The following TUT1 variants were observed in gnomAD, a reference collection of about 807,000 sequenced individuals.
TUT1 encodes the protein speckle targeted PIP5K1A-regulated poly(A) polymerase.
In TUT1, 26 loss-of-function variants were observed where a neutral mutation model predicts 48.8. The ratio of observed to expected loss-of-function variants is 0.53; its 90% CI spans 0.39 to 0.74. The LOEUF is 0.74. Ranked by LOEUF, TUT1 falls within the 30% of genes least tolerant of loss-of-function variation. The probability of loss-of-function intolerance (pLI) is 0.00; values close to 1 mark genes in which losing one functional copy is unlikely to be tolerated. For synonymous variants in TUT1, 470 were observed against 460.8 expected, an observed-to-expected ratio of 1.02 and a Z score of -0.26; for missense variants, 1,065 against 1,114.8, an observed-to-expected ratio of 0.96 and a Z score of 0.64.
chr11:62,586,324 AGGTT>A (rs1941914156), intron 2 of TUT1, among the ~76,000 whole-genome samples: 1 of 152,238 alleles, frequency 6.6e-6, no homozygotes, highest in Non-Finnish European at 1.5e-5. Flanking sequence ...AAACTCAAAG[AGGTT>A]AAGTAACTTG....
chr11:62,586,598 G>A (rs1941919528), intron 2 of TUT1, among the ~76,000 whole-genome samples: 1 of 152,102 alleles, frequency 6.6e-6, no homozygotes, highest in Non-Finnish European at 1.5e-5. Flanking sequence ...GGCCAACATG[G>A]AGAAATCCTG....
At chr11:62,580,081 C>T (rs1024656029) in intron 4 of TUT1, among the ~76,000 whole-genome samples, 1 of 152,016 alleles carries the variant, frequency 6.6e-6, no homozygotes, top group African/African-American at 2.4e-5. Flanking sequence ...TCGAGACCAG[C>T]CTGGGAAACA....
At chr11:62,580,323 G>A (rs1399126406) in intron 4 of TUT1, among the ~76,000 whole-genome samples, 1 of 151,832 alleles carries the variant, frequency 6.6e-6, no homozygotes, top group African/African-American at 2.4e-5. Flanking sequence ...AGCCAGGCAT[G>A]GTGGCGTGTG....
At chr11:62,577,985 T>C (rs888555038) in intron 5 of TUT1, among the ~76,000 whole-genome samples, 6 of 144,880 alleles carry the variant, frequency 4.1e-5, no homozygotes, top group African/African-American at 1.6e-4. Flanking sequence ...CGCTTGAACC[T>C]GGGAGGCAGA....
chr11:62,582,253 G>T (rs1184568270), intron 2 of TUT1, among the ~76,000 whole-genome samples: 3 of 151,980 alleles, frequency 2.0e-5, no homozygotes, highest in African/African-American at 7.3e-5. Flanking sequence ...GATTACAGGT[G>T]TGAGCCACTG....
At chr11:62,582,599 C>CA (rs916176233) in intron 2 of TUT1, 75 of 453,004 alleles carry the variant, frequency 1.7e-4, no homozygotes, top group Admixed American at 3.1e-4. Flanking sequence ...GACCCTGTCT[C>CA]AAAAAAAAGT....
chr11:62,577,054 G>A, intron 6 of TUT1, 37 bp from the exon 7 acceptor site: 2 of 1,604,206 alleles, frequency 1.2e-6, no homozygotes, highest in Middle Eastern at 1.7e-4. Context: ...TAGATCAGAG[G>A]TGCTTCTAAT....
intron 2 of TUT1, among the ~76,000 whole-genome samples, chr11:62,584,809 T>C (rs780478954): frequency 9.3e-5 from 14 of 151,224 alleles, no homozygotes; most frequent in Non-Finnish European, 1.9e-4. Flanking sequence ...ATGAATTGTA[T>C]ACTATTTATT....
chr11:62,590,427 G>A (rs1262867573), intron 1 of TUT1, among the ~76,000 whole-genome samples: 1 of 152,014 alleles, frequency 6.6e-6, no homozygotes, highest in East Asian at 1.9e-4. Context: ...ACGAGGTCAG[G>A]AGATCGAGAC....
chr11:62,583,976 G>C (rs1161331401), intron 2 of TUT1, among the ~76,000 whole-genome samples: 1 of 152,164 alleles, frequency 6.6e-6, no homozygotes. Context: ...ACTCAACCAG[G>C]AGGATGGCTT....
chr11:62,580,452 G>A (rs546562792), intron 4 of TUT1, among the ~76,000 whole-genome samples: 1 of 150,208 alleles, frequency 6.7e-6, no homozygotes, highest in Non-Finnish European at 1.5e-5. Flanking sequence ...AGAGTTAGAC[G>A]GTCTCTCAAA....
chr11:62,588,701 C>CT (rs1239198808), intron 2 of TUT1, among the ~76,000 whole-genome samples: 1 of 152,030 alleles, frequency 6.6e-6, no homozygotes, highest in Non-Finnish European at 1.5e-5. Flanking sequence ...CTGATTCATT[C>CT]TTTTTTTTCT....
intron 1 of TUT1, 110 bp downstream of exon 1, chr11:62,591,294 T>C: frequency 7.0e-7 from 1 of 1,424,682 alleles, no homozygotes; most frequent in South Asian, 1.7e-5. Flanking sequence ...TGAGAGACCC[T>C]ACCAATCAAC....
chr11:62,575,490 A>G lies in TUT1; in HGVS notation c.2229T>C (p.His743=), dbSNP rs1941705070. The G allele has an allele frequency of 1.2e-6, 2 of 1,612,554 alleles. No individual in the cohort carries two copies. Among genetic ancestry groups the G allele is most frequent in the African/African-American group, 1.3e-5 (1 of 75,020 alleles). Reference sequence around the variant, plus strand: ...CCTGAGACCATTCTTGGGCTGCCTCATGTCCCTTGGGCCCCCGCTCTGCCA... The same window carrying G: ...CCTGAGACCATTCTTGGGCTGCCTCGTGTCCCTTGGGCCCCCGCTCTGCCA... ...AALAERGPKG[H]EAAQEWSQGE... Residue 743 remains histidine, a synonymous_variant, in exon 9 of 9, where the codon CAT becomes CAC. Coordinates refer to ENST00000476907, the MANE Select transcript of TUT1 (RefSeq NM_022830.3).
In TUT1 at chr11:62,589,086, G is replaced by A; in HGVS notation, c.218C>T (p.Ser73Phe). 6.2e-7 allele frequency: 1 copy of A among 1,614,196 alleles called. No homozygotes were observed. The highest frequency in any genetic ancestry group is 8.5e-7 in the Non-Finnish European group (1 of 1,180,026). ...AGGTCCAAATGCTAGGAAGTACTCA[G>A]AGAGCTGAGCAGAATCCACATCCCT... ...FPRDVDSAQL[S>F]EYFLAFGPVA... The change falls in exon 2 of 9, where the codon TCT becomes TTT. Residue 73 changes from serine to phenylalanine, a missense_variant. Physicochemically the swap from Ser to Phe is radical, Grantham distance 155 (BLOSUM62 -2). Transcript: ENST00000476907.
In TUT1 at chr11:62,576,641, G is replaced by C; in HGVS notation, c.1474+16C>G. ...GAACATCATTACTAGTCCTCTACCA[G>C]GCTCCCCAAACTCACTGAGGGGCTC... On this transcript the variant is annotated intron_variant, in intron 8 of 8. Transcript: ENST00000476907. 6.2e-7 allele frequency: 1 copy of C among 1,610,478 alleles called. No homozygotes were observed. The highest frequency in any genetic ancestry group is 8.5e-7 in the Non-Finnish European group (1 of 1,176,850).
Position 62,575,182 on chromosome 11 carries a change from G to C in TUT1, c.2537C>G (p.Thr846Ser). 6.2e-7 allele frequency: 1 copy of C among 1,611,344 alleles called. No individual in the cohort carries two copies. The highest frequency in any genetic ancestry group is 8.5e-7 in the Non-Finnish European group (1 of 1,177,684). Residue 846 changes from threonine (T) to serine (S), a missense_variant, in exon 9 of 9, where the codon ACC (threonine) becomes AGC (serine). Thr to Ser is a moderately conservative substitution (Grantham distance 58, BLOSUM62 1). Coordinates refer to ENST00000476907, the MANE Select transcript of TUT1 (RefSeq NM_022830.3). ...CAGGCCTTGGGGATCCTGGAGCGGG[G>C]TCACAGTGAGCATTCGGTCAGCCGG... ...VSPADRMLTV[T>S]PLQDPQGLFP... is the part of the protein sequence containing the mutation.
intron 3 of TUT1, 43 bp from the exon 4 acceptor site, chr11:62,581,249 G>A: frequency 6.3e-7 from 1 of 1,595,838 alleles, no homozygotes; most frequent in South Asian, 1.1e-5. Flanking sequence ...AAGTTAGGGA[G>A]GAGCAGGGGG....
In TUT1 at chr11:62,575,102, G is replaced by T; in HGVS notation, c.2617C>A (p.Leu873Ile). The T allele has an allele frequency of 6.4e-7, 1 of 1,562,780 alleles. No homozygotes were observed. Among genetic ancestry groups the T allele is most frequent in the Non-Finnish European group, 8.7e-7 (1 of 1,153,322 alleles). The change falls in exon 9 of 9, where the codon CTC becomes ATC. Residue 873 changes from leucine (L) to isoleucine (I), a missense_variant. Physicochemically the swap from Leu to Ile is conservative, Grantham distance 5 (BLOSUM62 2). Transcript: ENST00000476907. ...QVFLPQAIRH[L>I]K Reference sequence around the variant, plus strand: ...CTTCAGGGGCCATGTCTTCACTTGAGATGTCGAATTGCTTGAGGGAGGAAA... The same window carrying T: ...CTTCAGGGGCCATGTCTTCACTTGATATGTCGAATTGCTTGAGGGAGGAAA...
Sources: gnomAD v4.1 joint callset for allele counts (sites outside exome capture counted in the v4.1 genomes callset) on GRCh38, gnomAD v4.1.1 for gene constraint, MANE v1.5 for transcripts, NCBI Gene and HGNC (gene_info 2026-07-23, HGNC 2026-07-21) for gene names.